Variants in DPP10 observed in about 807,000 individuals in gnomAD.
The protein encoded by DPP10 is dipeptidyl peptidase like 10, also known as inactive dipeptidyl peptidase 10.
A neutral mutation model predicts 120.9 loss-of-function variants in DPP10; 33 were observed. That is an observed-to-expected ratio of 0.27 (90% CI 0.21 to 0.37). The LOEUF (loss-of-function observed/expected upper bound fraction) is 0.37. DPP10 is among the 10% of genes least tolerant of loss of function. The probability of loss-of-function intolerance (pLI) is 1.00; values close to 1 mark genes in which losing one functional copy is unlikely to be tolerated. For missense variants in DPP10, 816 were observed against 942.8 expected (o/e 0.87, Z 1.76); for synonymous variants, 337 against 326.1 (o/e 1.03, Z -0.36).
chr2:114,973,517 C>T (rs1407331448), intron 1 of DPP10, among the ~76,000 whole-genome samples: 1 of 151,498 alleles, frequency 6.6e-6, no homozygotes, highest in African/African-American at 2.4e-5. Flanking sequence ...AAAAAATTAG[C>T]CGGGCGTGGT....
intron 1 of DPP10, among the ~76,000 whole-genome samples, chr2:114,789,411 C>G (rs1348871270): frequency 6.6e-6 from 1 of 152,198 alleles, no homozygotes; most frequent in African/African-American, 2.4e-5. Flanking sequence ...ATGGGGCCCT[C>G]TGTCCCTCTC....
At chr2:114,953,478 A>ATG (rs1173416532) in intron 1 of DPP10, among the ~76,000 whole-genome samples, 3 of 151,742 alleles carry the variant, frequency 2.0e-5, no homozygotes, top group African/African-American at 4.8e-5. Flanking sequence ...TCACATGTGT[A>ATG]TGTGTGTGTG....
chr2:114,453,099 G>A (rs1286351006), intron 1 of DPP10, among the ~76,000 whole-genome samples: 1 of 152,066 alleles, frequency 6.6e-6, no homozygotes, highest in African/African-American at 2.4e-5. Flanking sequence ...AACCATCAGG[G>A]AGATTGGATG....
chr2:114,963,909 C>A (rs1428687647), intron 1 of DPP10, among the ~76,000 whole-genome samples: 1 of 152,162 alleles, frequency 6.6e-6, no homozygotes, highest in Non-Finnish European at 1.5e-5. Flanking sequence ...TGCAAATATT[C>A]TTTGAAGCAA....
intron 1 of DPP10, among the ~76,000 whole-genome samples, chr2:114,580,182 C>T (rs1484011631): frequency 6.6e-6 from 1 of 152,140 alleles, no homozygotes; most frequent in African/African-American, 2.4e-5. Context: ...AATGTATTTT[C>T]TCCATTTAAA....
chr2:115,352,705 A>C (rs1358104767), intron 3 of DPP10, among the ~76,000 whole-genome samples: 2 of 152,148 alleles, frequency 1.3e-5, no homozygotes, highest in African/African-American at 4.8e-5. Flanking sequence ...AAATCTTTCC[A>C]GTTGTCTCAG....
chr2:115,143,640 T>A (rs1220083532), intron 1 of DPP10, among the ~76,000 whole-genome samples: 3 of 152,142 alleles, frequency 2.0e-5, no homozygotes, highest in African/African-American at 7.2e-5. Flanking sequence ...CACTTTAGAG[T>A]CCAGTGGGCT....
intron 1 of DPP10, among the ~76,000 whole-genome samples, chr2:115,004,912 G>A (rs1161000776): frequency 2.0e-5 from 3 of 152,096 alleles, no homozygotes; most frequent in Admixed American, 1.3e-4. Flanking sequence ...ACCTCTGGGG[G>A]CAGGGCACAG....
At chr2:114,803,350 C>G (rs1684433293) in intron 1 of DPP10, among the ~76,000 whole-genome samples, 1 of 152,118 alleles carries the variant, frequency 6.6e-6, no homozygotes, top group African/African-American at 2.4e-5. Context: ...AAACTGGTAA[C>G]AGTAGAGTGG....
intron 1 of DPP10, among the ~76,000 whole-genome samples, chr2:115,251,412 T>C (rs2058744788): frequency 6.6e-6 from 1 of 152,216 alleles, no homozygotes; most frequent in Non-Finnish European, 1.5e-5. Context: ...GTTTCTCTGC[T>C]GATCTGTAAA....
chr2:115,187,289 G>T (rs2054534786), intron 1 of DPP10, among the ~76,000 whole-genome samples: 1 of 151,874 alleles, frequency 6.6e-6, no homozygotes, highest in Non-Finnish European at 1.5e-5. Flanking sequence ...ACCCGCCTCG[G>T]CCTCCCAAAG....
intron 21 of DPP10, among the ~76,000 whole-genome samples, chr2:115,820,011 C>G (rs1687647342): frequency 6.6e-6 from 1 of 152,090 alleles, no homozygotes; most frequent in South Asian, 2.1e-4. Flanking sequence ...AAACAAAAAA[C>G]AAATATAAGC....
At chr2:115,258,118 GAAAC>G (rs1160059810) in intron 1 of DPP10, among the ~76,000 whole-genome samples, 5 of 152,116 alleles carry the variant, frequency 3.3e-5, no homozygotes, top group South Asian at 2.1e-4. Context: ...AAGCATCAAG[GAAAC>G]AAACACACTT....
At position 114,900,399 on chromosome 2, in the gene DPP10, C is replaced by T. The variant is rs555209515; in HGVS notation, c.61-408840C>T. Among the ~76,000 whole-genome samples the T allele has an allele frequency of 3.9e-5, 6 of 152,294 alleles. No homozygotes were observed. In the South Asian group the frequency reaches 1.2e-3, roughly 32 times the overall value. ...CAGTGGCTCCCCTTCCTTACCAATG[C>T]ATGAGCATTCTGGTGAGTATATTAT... On this transcript the variant is annotated intron_variant, in intron 1 of 25. Coordinates refer to ENST00000410059, the MANE Select transcript of DPP10 (RefSeq NM_020868.6).
At chr2:115,518,636 T>G (rs2077630211) in intron 4 of DPP10, among the ~76,000 whole-genome samples, 1 of 152,036 alleles carries the variant, frequency 6.6e-6, no homozygotes, top group Non-Finnish European at 1.5e-5. Flanking sequence ...ACTTAAAATA[T>G]GCGTGTTTTA....
At chr2:115,368,754 C>T (rs1215272194) in intron 3 of DPP10, among the ~76,000 whole-genome samples, 4 of 151,286 alleles carry the variant, frequency 2.6e-5, no homozygotes, top group Admixed American at 2.6e-4. Flanking sequence ...TGATAGTCGG[C>T]TCCTTTTTTA....
chr2:114,511,385 TG>T (rs1302934782), intron 1 of DPP10, among the ~76,000 whole-genome samples: 7 of 152,200 alleles, frequency 4.6e-5, no homozygotes. Flanking sequence ...CCTCCAGTGT[TG>T]TGCTAAATAC....
At chr2:115,565,002 A>G (rs931246388) in intron 5 of DPP10, among the ~76,000 whole-genome samples, 4 of 152,040 alleles carry the variant, frequency 2.6e-5, no homozygotes, top group Admixed American at 6.6e-5. Flanking sequence ...TGGAGTTTCT[A>G]TATTCTGGCA....
At chr2:115,667,941 T>C (rs1471979007) in intron 5 of DPP10, among the ~76,000 whole-genome samples, 2 of 152,114 alleles carry the variant, frequency 1.3e-5, no homozygotes, top group East Asian at 3.8e-4. Flanking sequence ...ATATTAAATT[T>C]CACAGGTGGG....
Sources: allele counts gnomAD v4.1 joint callset (sites outside exome capture counted in the v4.1 genomes callset), GRCh38; gene constraint gnomAD v4.1.1; transcripts MANE v1.5; gene names NCBI Gene and HGNC (gene_info 2026-07-23, HGNC 2026-07-21).